The following NCOR1 variants were observed in gnomAD, a reference collection of about 807,000 sequenced individuals.
NCOR1 encodes the protein nuclear receptor corepressor 1, also known as protein phosphatase 1, regulatory subunit 109.
A neutral mutation model predicts 288.1 loss-of-function variants in NCOR1; 63 were observed. The observed-to-expected ratio is 0.22, with a 90% confidence interval of 0.18 to 0.27. The LOEUF (loss-of-function observed/expected upper bound fraction) is 0.27. Among genes scored for constraint, NCOR1 ranks in the 10% least tolerant of loss-of-function variants. NCOR1 has a pLI of 1.00. For synonymous variants in NCOR1, 1,007 were observed against 1,065.9 expected (o/e 0.94, Z 1.08); for missense variants, 2,397 against 3,019.2 (o/e 0.79, Z 4.83).
chr17:16,138,712 T>C (rs1442145392), intron 12 of NCOR1, among the ~76,000 whole-genome samples: 1 of 152,218 alleles, frequency 6.6e-6, no homozygotes, highest in African/African-American at 2.4e-5. Flanking sequence ...AAATGATTAG[T>C]CTACGGTAAT....
In NCOR1 at chr17:16,070,103, GTT is replaced by G. The variant is rs368198526; in HGVS notation, c.4513+60_4513+61del. 8.0e-3 allele frequency: 10,332 copies of G among 1,290,064 alleles called. 9 individuals are homozygous for G. The highest frequency in any genetic ancestry group is 0.021 in the African/African-American group (1,315 of 63,356). The allele number at this position is 1,290,064 out of a possible 1,614,324, so 79.9% of individuals were successfully genotyped here. On this transcript the variant is annotated intron_variant, in intron 31 of 45. Coordinates refer to ENST00000268712, the MANE Select transcript of NCOR1 (RefSeq NM_006311.4). ...ATTTGATATTTACTACTTGACAAAG[GTT>G]TTTTTTTTTTTTTTTAAATGCAATA... is the stretch of plus-strand genomic sequence containing the variant.
intron 21 of NCOR1, among the ~76,000 whole-genome samples, chr17:16,093,953 G>A (rs184012254): frequency 6.5e-4 from 99 of 151,728 alleles, no homozygotes; most frequent in South Asian, 4.0e-3. Flanking sequence ...TTTCACCCAG[G>A]CTAGAGTGCA....
chr17:16,181,211 A>ATGTATGTATGTATGTATGTATGTG (rs758395387), intron 3 of NCOR1, among the ~76,000 whole-genome samples: 2 of 139,498 alleles, frequency 1.4e-5, no homozygotes, highest in African/African-American at 5.2e-5. Flanking sequence ...ATATATATGT[A>ATGTATGTATGTATGTATGTATGTG]TGTGTGTGTG....
chr17:16,155,449 T>C (rs529355181), intron 6 of NCOR1, among the ~76,000 whole-genome samples: 1 of 152,144 alleles, frequency 6.6e-6, no homozygotes, highest in South Asian at 2.1e-4. Context: ...CACTTTTCTA[T>C]ACGTATTATT....
At chr17:16,106,879 ATATATTTTTTTTTTT>A (rs1568056218) in intron 19 of NCOR1, among the ~76,000 whole-genome samples, 2 of 59,028 alleles carry the variant, frequency 3.4e-5, no homozygotes, top group Non-Finnish European at 5.8e-5. Flanking sequence ...ATATATATAT[ATATATTTTTTTTTTT>A]TTTTTTTTTT....
At chr17:16,118,123 C>A in intron 17 of NCOR1, 96 bp from the exon 18 acceptor site, 1 of 1,258,880 alleles carries the variant, frequency 7.9e-7, no homozygotes, top group South Asian at 1.5e-5. Context: ...TATTCACAAC[C>A]ATTGACACTA....
chr17:16,091,731 CTG>C, intron 22 of NCOR1, 130 bp downstream of exon 22: 1 of 1,506,164 alleles, frequency 6.6e-7, no homozygotes, highest in South Asian at 1.3e-5. Flanking sequence ...ATTTAAGGAA[CTG>C]TGTCTGTTAG....
At chr17:16,085,930 T>A (rs1195448296) in intron 23 of NCOR1, among the ~76,000 whole-genome samples, 3 of 152,218 alleles carry the variant, frequency 2.0e-5, no homozygotes, top group African/African-American at 4.8e-5. Flanking sequence ...AATTTAATAT[T>A]TTGAGCCTTT....
chr17:16,035,432 C>T (rs1974166576), intron 44 of NCOR1, among the ~76,000 whole-genome samples: 1 of 151,976 alleles, frequency 6.6e-6, no homozygotes, highest in African/African-American at 2.4e-5. Flanking sequence ...ACTTTCTTTG[C>T]TCATCCCTAA....
intron 17 of NCOR1, among the ~76,000 whole-genome samples, chr17:16,118,353 G>A (rs960745338): frequency 3.9e-5 from 6 of 151,940 alleles, no homozygotes. Flanking sequence ...AAATGATTAG[G>A]TACATCTAGA....
At chr17:16,198,264 G>A (rs192721483) in intron 1 of NCOR1, 2,729 of 151,508 alleles carry the variant, frequency 0.018, 55 homozygotes, top group African/African-American at 0.041. Context: ...AGGCTGAGGC[G>A]GGAGAATGGC....
chr17:16,192,304 A>C (rs559663056), intron 2 of NCOR1, among the ~76,000 whole-genome samples: 6 of 152,190 alleles, frequency 3.9e-5, no homozygotes, highest in Non-Finnish European at 7.3e-5. Flanking sequence ...ACTTGAGGCC[A>C]GGAGTTCGAG....
intron 31 of NCOR1, among the ~76,000 whole-genome samples, chr17:16,069,380 C>T (rs1169197510): frequency 6.6e-6 from 1 of 152,188 alleles, no homozygotes; most frequent in Non-Finnish European, 1.5e-5. Flanking sequence ...GCCCCTCACA[C>T]CCGCCAAAAC....
chr17:16,116,945 CT>C (rs1257621096), intron 18 of NCOR1, among the ~76,000 whole-genome samples: 4 of 152,172 alleles, frequency 2.6e-5, no homozygotes, highest in Admixed American at 1.3e-4. Flanking sequence ...TCTACCACAG[CT>C]TTGACACCAT....
chr17:16,065,743 T>C (rs769653535), intron 32 of NCOR1, 49 bp from the exon 33 acceptor site: 8 of 1,543,268 alleles, frequency 5.2e-6, no homozygotes, highest in African/African-American at 1.4e-5. Context: ...CTGGCTGAAA[T>C]ACATTTGCTA....
At chr17:16,071,806 T>C in intron 29 of NCOR1, 141 bp from the exon 30 acceptor site, 2 of 765,548 alleles carry the variant, frequency 2.6e-6, no homozygotes, top group Admixed American at 6.1e-5. Flanking sequence ...CCTTGACATC[T>C]TGTAGTTTCT....
At chr17:16,121,312 T>C (rs1184085040) in intron 15 of NCOR1, 43 bp from the exon 16 acceptor site, 1 of 1,497,980 alleles carries the variant, frequency 6.7e-7, no homozygotes, top group Non-Finnish European at 9.1e-7. Flanking sequence ...TTCCAAAGTA[T>C]ACATACATCG....
intron 1 of NCOR1, among the ~76,000 whole-genome samples, chr17:16,201,971 C>G (rs2090871867): frequency 6.6e-6 from 1 of 151,734 alleles, no homozygotes; most frequent in Admixed American, 6.6e-5. Context: ...TCACGCCTGT[C>G]ATTCCAGCAC....
At chr17:16,169,434 C>A (rs938908758) in intron 4 of NCOR1, among the ~76,000 whole-genome samples, 2 of 152,040 alleles carry the variant, frequency 1.3e-5, no homozygotes, top group African/African-American at 4.8e-5. Context: ...AAATGATATA[C>A]CTAGGCTTAA....
Sources: gnomAD v4.1 joint callset for allele counts (sites outside exome capture counted in the v4.1 genomes callset) on GRCh38, gnomAD v4.1.1 for gene constraint, MANE v1.5 for transcripts, NCBI Gene and HGNC (gene_info 2026-07-23, HGNC 2026-07-21) for gene names.